CDC42BPA: variants seen among roughly 807,000 people sequenced by gnomAD.
CDC42BPA encodes serine/threonine-protein kinase MRCK alpha.
In CDC42BPA, 80 loss-of-function variants were observed where a neutral mutation model predicts 223.5. The observed-to-expected ratio is 0.36, with a 90% CI of 0.30 to 0.43. The LOEUF (loss-of-function observed/expected upper bound fraction) is 0.43, where lower values mean the gene tolerates loss of function less well. Among genes scored for constraint, CDC42BPA ranks in the 20% least tolerant of loss-of-function variants. The pLI, the probability that CDC42BPA is intolerant of heterozygous loss-of-function variation, is 1.00. For missense variants in CDC42BPA, 1,743 were observed against 2,099.9 expected, an observed-to-expected ratio of 0.83 and a Z score of 3.32; for synonymous variants, 694 against 718.6, an observed-to-expected ratio of 0.97 and a Z score of 0.55.
At chr1:227,222,622 G>A (rs1049508391) in intron 2 of CDC42BPA, among the ~76,000 whole-genome samples, 1 of 152,214 alleles carries the variant, frequency 6.6e-6, no homozygotes, top group Non-Finnish European at 1.5e-5. Flanking sequence ...TGCACAGAGA[G>A]GCCAAGAAGA....
intron 2 of CDC42BPA, among the ~76,000 whole-genome samples, chr1:227,227,190 C>T (rs1384497876): frequency 2.6e-5 from 4 of 151,872 alleles, no homozygotes; most frequent in African/African-American, 9.7e-5. Flanking sequence ...TAAACAAATG[C>T]CTTTCATATT....
chr1:227,268,642 T>TAG (rs1454023843), intron 1 of CDC42BPA, among the ~76,000 whole-genome samples: 1 of 125,744 alleles, frequency 8.0e-6, no homozygotes, highest in Admixed American at 8.5e-5. Flanking sequence ...TGTATATATA[T>TAG]AGTGTGTGTG....
chr1:227,080,705 C>G (rs1680453870), intron 17 of CDC42BPA, among the ~76,000 whole-genome samples, 188 bp downstream of exon 17: 5 of 152,028 alleles, frequency 3.3e-5, no homozygotes, highest in Admixed American at 3.3e-4. Context: ...AGTTAGGGAA[C>G]AGAGGAATGT....
chr1:227,014,039 A>G (rs917672432), intron 34 of CDC42BPA, among the ~76,000 whole-genome samples: 30 of 152,116 alleles, frequency 2.0e-4, no homozygotes, highest in African/African-American at 7.2e-4. Flanking sequence ...CCATAAGGAA[A>G]AACAACATGC....
chr1:227,308,577 G>A (rs1172556588), intron 1 of CDC42BPA, among the ~76,000 whole-genome samples: 2 of 148,758 alleles, frequency 1.3e-5, no homozygotes, highest in African/African-American at 4.9e-5. Flanking sequence ...CACCAGAAAA[G>A]GAAGAATCCT....
intron 1 of CDC42BPA, among the ~76,000 whole-genome samples, chr1:227,278,922 G>A (rs1687570363): frequency 6.6e-6 from 1 of 151,830 alleles, no homozygotes; most frequent in Non-Finnish European, 1.5e-5. Flanking sequence ...TGTGATTTTA[G>A]AGAAGCAGAA....
chr1:227,084,793 G>A (rs1436733167), intron 16 of CDC42BPA, among the ~76,000 whole-genome samples: 2 of 152,130 alleles, frequency 1.3e-5, no homozygotes, highest in Admixed American at 6.5e-5. Context: ...TCCACAAGGT[G>A]CCTAGACATT....
intron 1 of CDC42BPA, among the ~76,000 whole-genome samples, chr1:227,294,285 T>A (rs972187523): frequency 3.3e-4 from 49 of 150,140 alleles, no homozygotes; most frequent in African/African-American, 1.0e-3. Flanking sequence ...AAAAAAAAAA[T>A]TTAGTATCTA....
At chr1:227,223,546 T>C (rs1472973471) in intron 2 of CDC42BPA, among the ~76,000 whole-genome samples, 2 of 152,092 alleles carry the variant, frequency 1.3e-5, no homozygotes, top group East Asian at 3.9e-4. Context: ...AGGATCTAAC[T>C]AAGAAAAAGA....
rs187203272 is a variant in CDC42BPA at position 227,097,042 on chromosome 1, C to T, written c.2249+3950G>A. ...TAGGTTAAAAAAAACAAAACAGGATCGAGTAAGGCCAACCCCTTCATTATG... is the reference window on the plus strand; with the variant it reads ...TAGGTTAAAAAAAACAAAACAGGATTGAGTAAGGCCAACCCCTTCATTATG... On this transcript the variant is annotated intron_variant, in intron 15 of 36. Coordinates refer to ENST00000366766, the MANE Select transcript of CDC42BPA (RefSeq NM_001394014.1). Among the ~76,000 whole-genome samples, 3 of 152,234 alleles carry T rather than the reference C, an allele frequency of 2.0e-5. No individual in the cohort carries two copies. The East Asian group carries it at 5.8e-4, about 29-fold the overall frequency.
At chr1:227,297,938 TTA>T (rs200963808) in intron 1 of CDC42BPA, among the ~76,000 whole-genome samples, 13,376 of 115,562 alleles carry the variant, frequency 0.12, 812 homozygotes, top group Middle Eastern at 0.19. Flanking sequence ...AAATTTTGTT[TTA>T]TGTGTGTGTG....
In CDC42BPA at chr1:226,990,502, A is replaced by G. The variant is rs1425129892; in HGVS notation, c.*3766T>C. On this transcript the variant is annotated 3_prime_UTR_variant, in exon 37 of 37. Coordinates refer to ENST00000366766, the MANE Select transcript of CDC42BPA (RefSeq NM_001394014.1). ...AGAGAGACGGGGGAGTGGAGTGCCC[A>G]ATTCATTCCCTGTTGTGCTCACCAG... 6.6e-6 allele frequency: 1 copy of G among 152,266 alleles called. No homozygotes were observed. Among genetic ancestry groups the G allele is most frequent in the Non-Finnish European group, 1.5e-5 (1 of 68,096 alleles). The allele number at this position is 152,266 out of a possible 1,614,324, so 9.4% of individuals were successfully genotyped here.
chr1:227,070,059 C>T (rs959015572), intron 20 of CDC42BPA, among the ~76,000 whole-genome samples: 8 of 151,776 alleles, frequency 5.3e-5, no homozygotes, highest in Non-Finnish European at 1.0e-4. Flanking sequence ...ACATCAGTTT[C>T]CATGAAATGC....
intron 3 of CDC42BPA, among the ~76,000 whole-genome samples, chr1:227,200,820 A>C (rs1671628550): frequency 6.6e-6 from 1 of 152,180 alleles, no homozygotes; most frequent in Non-Finnish European, 1.5e-5. Context: ...AGAATATGAA[A>C]GCTCTGCTTT....
chr1:227,021,969 G>A (rs1191362361), intron 32 of CDC42BPA, among the ~76,000 whole-genome samples: 2 of 151,894 alleles, frequency 1.3e-5, no homozygotes, highest in Non-Finnish European at 2.9e-5. Flanking sequence ...GCAGTGAGCT[G>A]AGATGGTGCC....
At chr1:227,208,380 T>C (rs942305986) in intron 3 of CDC42BPA, among the ~76,000 whole-genome samples, 3 of 136,704 alleles carry the variant, frequency 2.2e-5, no homozygotes, top group Non-Finnish European at 4.8e-5. Flanking sequence ...TTTGTCAATT[T>C]TGTCTTTTGT....
In CDC42BPA at chr1:227,026,061, G is replaced by C. The variant is rs780150346; in HGVS notation, c.4524C>G (p.Leu1508=). Residue 1508 remains leucine (L), a synonymous_variant, in exon 31 of 37, where the codon CTC becomes CTG. Transcript: ENST00000366766. ...CATTTTAATGTTAAATTACCTTTTTGAGAGGAAGAGTCTGAATCCATTCCA... is the reference window on the plus strand; with the variant it reads ...CATTTTAATGTTAAATTACCTTTTTCAGAGGAAGAGTCTGAATCCATTCCA... The part of the protein sequence containing the change: ...NSMEWIQTLP[L]KKVRPLNNEG... 5.1e-6 allele frequency: 8 copies of C among 1,565,978 alleles called. No homozygotes were observed. Among genetic ancestry groups the C allele is most frequent in the Admixed American group, 1.7e-5 (1 of 57,384 alleles).
intron 14 of CDC42BPA, among the ~76,000 whole-genome samples, chr1:227,105,356 CTTTTTTTTT>C (rs35065841): frequency 5.5e-5 from 5 of 91,656 alleles, no homozygotes; most frequent in African/African-American, 4.2e-5. Context: ...TGCCTATTCT[CTTTTTTTTT>C]TTTTTTTTTT....
chr1:227,300,912 G>C (rs1691517011), intron 1 of CDC42BPA, among the ~76,000 whole-genome samples: 2 of 152,176 alleles, frequency 1.3e-5, no homozygotes, highest in Non-Finnish European at 2.9e-5. Flanking sequence ...CTAAACCAAA[G>C]CTACCTTTGC....
Sources: allele counts gnomAD v4.1 joint callset (sites outside exome capture counted in the v4.1 genomes callset), GRCh38; gene constraint gnomAD v4.1.1; transcripts MANE v1.5; gene names NCBI Gene and HGNC (gene_info 2026-07-23, HGNC 2026-07-21).